The following NUBPL variants were observed in gnomAD, a reference collection of about 807,000 sequenced individuals.
The protein encoded by NUBPL is NUBP iron-sulfur cluster assembly factor, mitochondrial, also known as iron-sulfur cluster transfer protein NUBPL.
NUBPL carries 31 observed loss-of-function variants against 45.7 expected under a neutral mutation model. The observed-to-expected ratio is 0.68, with a 90% CI of 0.51 to 0.92. NUBPL has a LOEUF of 0.92. Among genes scored for constraint, NUBPL ranks in the 40% least tolerant of loss-of-function variants. NUBPL has a pLI of 0.00. For missense variants in NUBPL, 401 were observed against 398.7 expected, an observed-to-expected ratio of 1.01 and a Z score of -0.05; for synonymous variants, 144 against 140.9, an observed-to-expected ratio of 1.02 and a Z score of -0.15.
chr14:31,733,116 G>A (rs1279647597), intron 6 of NUBPL, among the ~76,000 whole-genome samples: 2 of 152,078 alleles, frequency 1.3e-5, no homozygotes, highest in African/African-American at 4.8e-5. Flanking sequence ...AGAACCAAAT[G>A]TAAAGATATT....
chr14:31,856,374 G>A (rs1051601835), intron 10 of NUBPL, among the ~76,000 whole-genome samples: 1 of 152,034 alleles, frequency 6.6e-6, no homozygotes, highest in African/African-American at 2.4e-5. Flanking sequence ...AGTTACAATT[G>A]AAGATGAGAT....
At chr14:31,756,382 G>A (rs1246941252) in intron 6 of NUBPL, among the ~76,000 whole-genome samples, 1 of 152,062 alleles carries the variant, frequency 6.6e-6, no homozygotes, top group Non-Finnish European at 1.5e-5. Context: ...TCCTTGAGCA[G>A]TGGTTTGTAG....
chr14:31,586,004 A>G (rs749839717), intron 3 of NUBPL, among the ~76,000 whole-genome samples: 1 of 152,234 alleles, frequency 6.6e-6, no homozygotes, highest in Non-Finnish European at 1.5e-5. Context: ...TAAGTTGTAC[A>G]AGGTTTGAAG....
At chr14:31,566,152 A>G (rs986450517) in intron 3 of NUBPL, among the ~76,000 whole-genome samples, 1 of 152,130 alleles carries the variant, frequency 6.6e-6, no homozygotes. Context: ...AGTTCCTAAT[A>G]AATAGCACAT....
At chr14:31,779,491 G>A (rs2138791103) in intron 6 of NUBPL, among the ~76,000 whole-genome samples, 2 of 152,266 alleles carry the variant, frequency 1.3e-5, no homozygotes, top group South Asian at 2.1e-4. Flanking sequence ...GGAAGAGACA[G>A]CATCAACTGC....
chr14:31,666,243 A>ATC, intron 4 of NUBPL, among the ~76,000 whole-genome samples: 1 of 25,850 alleles, frequency 3.9e-5, no homozygotes, highest in Non-Finnish European at 6.6e-5. Context: ...ATATATATAT[A>ATC]TATATATATA....
intron 4 of NUBPL, among the ~76,000 whole-genome samples, chr14:31,638,622 G>C (rs370111904): frequency 1.3e-5 from 2 of 152,084 alleles, no homozygotes; most frequent in East Asian, 1.9e-4. Flanking sequence ...TTTCCTGAAT[G>C]TGAATGTTGG....
At chr14:31,706,876 T>C (rs755523840) in intron 6 of NUBPL, among the ~76,000 whole-genome samples, 1 of 152,250 alleles carries the variant, frequency 6.6e-6, no homozygotes, top group Non-Finnish European at 1.5e-5. Context: ...TTTTCTTTGC[T>C]GTTAATAAGA....
At chr14:31,830,361 T>C (rs928347365) in intron 8 of NUBPL, among the ~76,000 whole-genome samples, 5 of 152,184 alleles carry the variant, frequency 3.3e-5, no homozygotes, top group Admixed American at 3.3e-4. Context: ...ACTAACTCTA[T>C]TTTGATGCAA....
At chr14:31,621,176 T>C (rs2035050475) in intron 4 of NUBPL, among the ~76,000 whole-genome samples, 1 of 152,188 alleles carries the variant, frequency 6.6e-6, no homozygotes, top group Admixed American at 6.5e-5. Flanking sequence ...ACTGCTGTGC[T>C]GGCATGAGAA....
chr14:31,809,564 C>T (rs1389034084), intron 7 of NUBPL, among the ~76,000 whole-genome samples: 3 of 152,224 alleles, frequency 2.0e-5, no homozygotes, highest in Middle Eastern at 3.4e-3. Context: ...TTTCAAAAAA[C>T]CAGCTCCTGG....
chr14:31,702,145 AG>A (rs2037354225), intron 6 of NUBPL, among the ~76,000 whole-genome samples: 1 of 152,212 alleles, frequency 6.6e-6, no homozygotes, highest in African/African-American at 2.4e-5. Context: ...AGCCAAGGGA[AG>A]AAGTGCATAA....
At chr14:31,603,421 A>G (rs1293961742) in intron 4 of NUBPL, among the ~76,000 whole-genome samples, 1 of 152,018 alleles carries the variant, frequency 6.6e-6, no homozygotes, top group African/African-American at 2.4e-5. Context: ...GATAATGAGT[A>G]TAAAATTGAA....
At chr14:31,825,637 CCT>C (rs1280563566) in intron 7 of NUBPL, among the ~76,000 whole-genome samples, 11 of 114,344 alleles carry the variant, frequency 9.6e-5, no homozygotes, top group Admixed American at 4.2e-4. Flanking sequence ...CTCCTCCTCC[CCT>C]CTTTCTCCTT....
At position 31,581,531 on chromosome 14, in the gene NUBPL, G is replaced by A. The variant is rs115101673; in HGVS notation, c.291+16483G>A. 6.4e-3 allele frequency among the ~76,000 whole-genome samples: 977 copies of A among 152,138 alleles called. 10 individuals carry two copies. The highest frequency in any genetic ancestry group is 0.022 in the African/African-American group (914 of 41,478). On this transcript the variant is annotated intron_variant, in intron 3 of 10. Transcript: ENST00000281081. ...TTTCACTTAGCAAATTGTTATCAAGGTTCATCCATGTTGTAGCATATATTC... is the reference window on the plus strand; with the variant it reads ...TTTCACTTAGCAAATTGTTATCAAGATTCATCCATGTTGTAGCATATATTC...
chr14:31,561,730 G>A, intron 1 of NUBPL, 183 bp downstream of exon 1: 1 of 563,308 alleles, frequency 1.8e-6, no homozygotes, highest in Non-Finnish European at 3.1e-6. Flanking sequence ...AACACAGTTA[G>A]AACGTAGATG....
chr14:31,720,791 G>A (rs1228285669), intron 6 of NUBPL, among the ~76,000 whole-genome samples: 1 of 152,182 alleles, frequency 6.6e-6, no homozygotes, highest in Non-Finnish European at 1.5e-5. Flanking sequence ...GTGGCTAGTG[G>A]CTATTGTGTT....
intron 10 of NUBPL, 131 bp downstream of exon 10, chr14:31,850,332 C>A: frequency 2.7e-6 from 2 of 748,526 alleles, no homozygotes; most frequent in East Asian, 2.7e-5. Flanking sequence ...TTTAACTTGT[C>A]CAAAGCATCT....
In NUBPL at chr14:31,635,408, G is replaced by A. The variant is rs1419092045; in HGVS notation, c.382+36029G>A. ...AAAGATCAGATAGTTGTAGATATGC[G>A]ACGTTATTTCTGAGGGCTCTGTTCT... On this transcript the variant is annotated intron_variant, in intron 4 of 10. Coordinates refer to ENST00000281081, the MANE Select transcript of NUBPL (RefSeq NM_025152.3). Among the ~76,000 whole-genome samples, 5 of 151,866 alleles carry A rather than the reference G, an allele frequency of 3.3e-5. No individual in the cohort carries two copies. In the East Asian group the frequency reaches 5.8e-4, roughly 18 times the overall value.
Sources: allele counts gnomAD v4.1 joint callset (sites outside exome capture counted in the v4.1 genomes callset), GRCh38; gene constraint gnomAD v4.1.1; transcripts MANE v1.5; gene names NCBI Gene and HGNC (gene_info 2026-07-23, HGNC 2026-07-21).